The following VAPB variants were observed in gnomAD, a reference collection of about 807,000 sequenced individuals.
The protein encoded by VAPB is VAMP associated protein B and C, also known as vesicle-associated membrane protein-associated protein B/C.
Under a neutral mutation model 25.6 loss-of-function variants are expected in VAPB, and 7 were observed. That is an observed-to-expected ratio of 0.27 (90% CI 0.16 to 0.51). The LOEUF is 0.51. Ranked by LOEUF, VAPB falls within the 20% of genes least tolerant of loss-of-function variation. The probability of loss-of-function intolerance (pLI) is 0.97; values close to 1 mark genes in which losing one functional copy is unlikely to be tolerated. For synonymous variants in VAPB, 112 were observed against 109.2 expected, an observed-to-expected ratio of 1.03 and a Z score of -0.16; for missense variants, 266 against 301.3, an observed-to-expected ratio of 0.88 and a Z score of 0.87.
chr20:58,418,376 A>C lies in VAPB; in HGVS notation c.211+13A>C. The C allele has an allele frequency of 6.2e-7, 1 of 1,613,800 alleles. No homozygotes were observed. Among genetic ancestry groups the C allele is most frequent in the South Asian group, 1.1e-5 (1 of 91,072 alleles). On this transcript the variant is annotated intron_variant, in intron 2 of 5. Transcript: ENST00000475243. ...ATTAATGTATCTGGTAAGTCCTGAG[A>C]CTGGAGGCCTAGAGGGTGGGCTCAG...
chr20:58,392,872 A>C (rs1987842049), intron 1 of VAPB, among the ~76,000 whole-genome samples: 1 of 152,214 alleles, frequency 6.6e-6, no homozygotes, highest in Admixed American at 6.5e-5. Flanking sequence ...GTTTTATAGG[A>C]AGTACTATGC....
rs562974185 is a variant in VAPB, at chr20:58,405,014, CAG to C, written c.59-13195_59-13194del. On this transcript the variant is annotated intron_variant, in intron 1 of 5. Coordinates refer to ENST00000475243, the MANE Select transcript of VAPB (RefSeq NM_004738.5). ...GGAGAAGGTGTACATTAAATAAAAA[CAG>C]AAAATATATATGATGTGGTGTCAGG... 5.3e-3 allele frequency among the ~76,000 whole-genome samples: 797 copies of C among 151,616 alleles called. 7 individuals are homozygous for C. The highest frequency in any genetic ancestry group is 0.018 in the African/African-American group (745 of 41,324).
chr20:58,389,314 CGCGCCCA>C lies in VAPB; in HGVS notation c.-145_-139del. The stretch of plus-strand genomic sequence containing the variant: ...ACCGCGTAGACCGACCCCCCCCCAG[CGCGCCCA>C]CCCGGTAGAGGACCCCCGCCCGTGC... On this transcript the variant is annotated 5_prime_UTR_variant, in exon 1 of 6. Coordinates refer to ENST00000475243, the MANE Select transcript of VAPB (RefSeq NM_004738.5). 1.7e-6 allele frequency: 1 copy of C among 589,414 alleles called. No homozygotes were observed. The highest frequency in any genetic ancestry group is 3.0e-6 in the Non-Finnish European group (1 of 338,774). The allele number at this position is 589,414 out of a possible 1,614,324, so 36.5% of individuals were successfully genotyped here.
rs1321008478 is a variant in VAPB, at chr20:58,446,394, C to G, written c.*2159C>G. ...AGTGCTTAGGTGGTCCCCAACAGTG[C>G]CTAGGGGTACAGTACAGTCCCATTA... On this transcript the variant is annotated 3_prime_UTR_variant, in exon 6 of 6. Coordinates refer to ENST00000475243, the MANE Select transcript of VAPB (RefSeq NM_004738.5). The G allele has an allele frequency of 2.2e-6, 1 of 453,972 alleles. No individual in the cohort carries two copies. Among genetic ancestry groups the G allele is most frequent in the Non-Finnish European group, 4.4e-6 (1 of 226,804 alleles). 28.1% of individuals were successfully genotyped at this position (453,972 alleles called of 1,614,324 possible). A position where few individuals can be genotyped will look rare whatever the true frequency, so the allele number is the denominator to read the frequency against.
At position 58,446,285 on chromosome 20, in the gene VAPB, G is replaced by A. The variant is rs1297044816; in HGVS notation, c.*2050G>A. ...TGTGCCTTCTGCCACCTGACTTTCC[G>A]TGAGGGGACTAAAATTTACTAATTG... On this transcript the variant is annotated 3_prime_UTR_variant, in exon 6 of 6. Transcript: ENST00000475243. The A allele has an allele frequency of 1.3e-5, 6 of 453,904 alleles. No homozygotes were observed. Among genetic ancestry groups the A allele is most frequent in the Admixed American group, 7.1e-5 (3 of 42,540 alleles). The allele number at this position is 453,904 out of a possible 1,614,324, so 28.1% of individuals were successfully genotyped here.
intron 5 of VAPB, among the ~76,000 whole-genome samples, chr20:58,443,668 A>G (rs1406183990): frequency 1.3e-5 from 2 of 152,238 alleles, no homozygotes; most frequent in South Asian, 4.1e-4. Flanking sequence ...TGATCAAGGA[A>G]GGCTATTCAT....
chr20:58,427,678 C>CT (rs1410844732), intron 2 of VAPB, among the ~76,000 whole-genome samples: 1 of 151,698 alleles, frequency 6.6e-6, no homozygotes, highest in East Asian at 1.9e-4. Flanking sequence ...GATCTGTGAT[C>CT]TGTTACCATT....
intron 2 of VAPB, among the ~76,000 whole-genome samples, chr20:58,427,352 CATTAT>C: frequency 6.7e-6 from 1 of 148,472 alleles, no homozygotes; most frequent in Admixed American, 6.7e-5. Flanking sequence ...GATCTGTTAC[CATTAT>C]GATGCAGGTG....
intron 2 of VAPB, among the ~76,000 whole-genome samples, chr20:58,419,118 A>G (rs919478658): frequency 1.3e-5 from 2 of 152,166 alleles, no homozygotes; most frequent in African/African-American, 4.8e-5. Context: ...GGGAGTGTGT[A>G]TTTATCTTGT....
At chr20:58,428,035 G>A (rs1037334011) in intron 2 of VAPB, among the ~76,000 whole-genome samples, 5 of 152,188 alleles carry the variant, frequency 3.3e-5, no homozygotes, top group Middle Eastern at 3.4e-3. Flanking sequence ...TGATGCAGGC[G>A]AAAGTGATCT....
chr20:58,413,302 G>A lies in VAPB; in HGVS notation c.59-4909G>A, dbSNP rs6026249. On this transcript the variant is annotated intron_variant, in intron 1 of 5. Coordinates refer to ENST00000475243, the MANE Select transcript of VAPB (RefSeq NM_004738.5). ...TAGGCAGAGGACCCTGCGGCCTTCC[G>A]CAGTGTTTGTGTCCCTGGGTACTTG... 9.3e-3 allele frequency among the ~76,000 whole-genome samples: 1,417 copies of A among 151,816 alleles called. 29 individuals carry two copies. The highest frequency in any genetic ancestry group is 0.032 in the African/African-American group (1,341 of 41,394).
Position 58,449,510 on chromosome 20 carries a change from A to C in VAPB, c.*5275A>C. 1 of 453,868 alleles carries C rather than the reference A, an allele frequency of 2.2e-6. No homozygotes were observed. The highest frequency in any genetic ancestry group is 4.4e-6 in the Non-Finnish European group (1 of 226,688). The allele number at this position is 453,868 out of a possible 1,614,324, so 28.1% of individuals were successfully genotyped here. A position where few individuals can be genotyped will look rare whatever the true frequency, so the allele number is the denominator to read the frequency against. On this transcript the variant is annotated 3_prime_UTR_variant, in exon 6 of 6. Transcript: ENST00000475243. ...TGTTAAATCCGTAGAAAAGGAAGAA[A>C]AGTGTAGCAACAAAAATGTAGCCAT...
intron 1 of VAPB, among the ~76,000 whole-genome samples, chr20:58,406,299 G>A (rs549472274): frequency 3.3e-5 from 5 of 152,148 alleles, no homozygotes; most frequent in Non-Finnish European, 4.4e-5. Context: ...AAGAGAAGAC[G>A]TTTGAGCAAA....
chr20:58,389,616 C>G, intron 1 of VAPB, 99 bp downstream of exon 1: 1 of 1,312,928 alleles, frequency 7.6e-7, no homozygotes, highest in South Asian at 1.5e-5. Flanking sequence ...CTCGTCCCCA[C>G]CCCGACGGCG....
At chr20:58,414,396 C>G (rs1988476735) in intron 1 of VAPB, among the ~76,000 whole-genome samples, 3 of 149,466 alleles carry the variant, frequency 2.0e-5, no homozygotes, top group Admixed American at 2.0e-4. Flanking sequence ...GACGGGGTGG[C>G]CGCCGGGCGG....
chr20:58,421,154 G>T (rs1330939426), intron 2 of VAPB, among the ~76,000 whole-genome samples: 1 of 152,204 alleles, frequency 6.6e-6, no homozygotes, highest in Non-Finnish European at 1.5e-5. Context: ...CCAGTCAGCT[G>T]AATTTTGACC....
chr20:58,436,357 A>G (rs1367369652), intron 3 of VAPB, among the ~76,000 whole-genome samples: 1 of 112,490 alleles, frequency 8.9e-6, no homozygotes, highest in Non-Finnish European at 1.8e-5. Flanking sequence ...TTTTGGAGAC[A>G]TGATTTTACT....
chr20:58,399,181 A>G (rs2123025071), intron 1 of VAPB, among the ~76,000 whole-genome samples: 1 of 152,062 alleles, frequency 6.6e-6, no homozygotes, highest in South Asian at 2.1e-4. Flanking sequence ...CATGCCTGTA[A>G]TCCAGGTACT....
chr20:58,404,732 T>C (rs925535906), intron 1 of VAPB, among the ~76,000 whole-genome samples: 13 of 152,184 alleles, frequency 8.5e-5, no homozygotes, highest in African/African-American at 3.1e-4. Flanking sequence ...ACATTTGATA[T>C]TTTTTTAAAA....
Sources: gnomAD v4.1 joint callset for allele counts (sites outside exome capture counted in the v4.1 genomes callset) on GRCh38, gnomAD v4.1.1 for gene constraint, MANE v1.5 for transcripts, NCBI Gene and HGNC (gene_info 2026-07-23, HGNC 2026-07-21) for gene names.